Variants in PTK7 observed in about 807,000 individuals in gnomAD.
PTK7 encodes the protein protein tyrosine kinase 7 (inactive).
In PTK7, 39 loss-of-function variants were observed where a neutral mutation model predicts 116.6. The observed-to-expected ratio is 0.33, with a 90% CI of 0.26 to 0.44. The LOEUF (loss-of-function observed/expected upper bound fraction) is 0.44. PTK7 is among the 20% of genes least tolerant of loss of function. PTK7 has a pLI of 1.00. For missense variants in PTK7, 1,169 were observed against 1,425.6 expected, an observed-to-expected ratio of 0.82 and a Z score of 2.90; for synonymous variants, 546 against 563.6, an observed-to-expected ratio of 0.97 and a Z score of 0.44.
intron 1 of PTK7, among the ~76,000 whole-genome samples, chr6:43,118,620 C>CCTCTCTCTCTCT (rs1170818291): frequency 7.9e-5 from 5 of 63,362 alleles, no homozygotes; most frequent in African/African-American, 1.1e-4. Context: ...AATATTTTAA[C>CCTCTCTCTCTCT]CTCTCTCTCT....
At position 43,101,563 on chromosome 6, in the gene PTK7, T is replaced by G. The variant is rs538604580; in HGVS notation, c.79+24996T>G. The stretch of plus-strand genomic sequence containing the variant: ...CAAGACTCCGTCTCAAAAAAAAAAA[T>G]AAAAAAAAAAAGAAAGATAGTTGTA... On this transcript the variant is annotated intron_variant, in intron 1 of 19. Coordinates refer to ENST00000230419, the MANE Select transcript of PTK7 (RefSeq NM_002821.5). 3.3e-3 allele frequency among the ~76,000 whole-genome samples: 440 copies of G among 133,640 alleles called. 2 individuals are homozygous for G. Among genetic ancestry groups the G allele is most frequent in the Non-Finnish European group, 3.4e-3 (207 of 61,160 alleles). The allele number at this position is 133,640 out of a possible 152,430, so 87.7% of individuals were successfully genotyped here. A position where few individuals can be genotyped will look rare whatever the true frequency, so the allele number is the denominator to read the frequency against.
intron 1 of PTK7, among the ~76,000 whole-genome samples, chr6:43,109,805 TCTC>T (rs1400038561): frequency 6.6e-6 from 1 of 151,094 alleles, no homozygotes; most frequent in African/African-American, 2.4e-5. Context: ...TTCACACCAT[TCTC>T]CTGGCTTAGC....
intron 1 of PTK7, among the ~76,000 whole-genome samples, chr6:43,100,597 T>C (rs1033694685): frequency 6.6e-6 from 1 of 152,182 alleles, no homozygotes; most frequent in African/African-American, 2.4e-5. Context: ...AGTTCCCAAA[T>C]ACTTTATAGG....
intron 1 of PTK7, among the ~76,000 whole-genome samples, chr6:43,106,957 CTG>C (rs1268026251): frequency 7.0e-6 from 1 of 141,964 alleles, no homozygotes; most frequent in Non-Finnish European, 1.5e-5. Flanking sequence ...GAGTCTTGCT[CTG>C]TCACCCAGGC....
chr6:43,144,915 A>G (rs971335731), intron 15 of PTK7: 1 of 418,388 alleles, frequency 2.4e-6, no homozygotes, highest in South Asian at 7.8e-5. Flanking sequence ...TGGGTTTGTC[A>G]TAGTTACGTT....
At chr6:43,130,156 C>T in intron 3 of PTK7, 74 bp from the exon 4 acceptor site, 1 of 1,423,652 alleles carries the variant, frequency 7.0e-7, no homozygotes, top group Non-Finnish European at 9.5e-7. Context: ...TAGCCCTGAC[C>T]CTCTGATACT....
rs1290518823 is a variant in PTK7, at chr6:43,157,348, ATATATATATATATATATTTTTTTTTTTCT to A, written c.2722-1467_2722-1439del. On this transcript the variant is annotated intron_variant, in intron 17 of 19. Coordinates refer to ENST00000230419, the MANE Select transcript of PTK7 (RefSeq NM_002821.5). ...ACGCTATATATATATATATATATAT[ATATATATATATATATATTTTTTTTTTTCT>A]TTTTTTTTTTTTTTTTTTAATAGAG... 1.9e-3 allele frequency among the ~76,000 whole-genome samples: 9 copies of A among 4,710 alleles called. 1 individual carries two copies. Among genetic ancestry groups the A allele is most frequent in the African/African-American group, 6.1e-3 (9 of 1,472 alleles). The allele number at this position is 4,710 out of a possible 152,430, so 3.1% of individuals were successfully genotyped here.
At chr6:43,098,394 C>T (rs572514784) in intron 1 of PTK7, among the ~76,000 whole-genome samples, 17 of 150,586 alleles carry the variant, frequency 1.1e-4, no homozygotes, top group African/African-American at 3.2e-4. Context: ...CTCGCTCTGT[C>T]GCCCAGGCTG....
At chr6:43,153,464 C>T (rs1251837070) in intron 17 of PTK7, among the ~76,000 whole-genome samples, 3 of 152,024 alleles carry the variant, frequency 2.0e-5, no homozygotes, top group African/African-American at 7.2e-5. Context: ...GGCTGGAATG[C>T]AGTGGTGCAA....
Position 43,161,007 on chromosome 6 carries a change from C to T in PTK7, c.*126C>T, listed in dbSNP as rs1488905991. On this transcript the variant is annotated 3_prime_UTR_variant, in exon 20 of 20. Transcript: ENST00000230419. ...CCCTGCCCTAGTGCAACAGGCATTGCTGAGGTCTGAGCAGGGCCTGGCCTT... is the reference window on the plus strand; with the variant it reads ...CCCTGCCCTAGTGCAACAGGCATTGTTGAGGTCTGAGCAGGGCCTGGCCTT... 1.6e-5 allele frequency: 21 copies of T among 1,311,068 alleles called. No individual in the cohort carries two copies. The highest frequency in any genetic ancestry group is 1.9e-5 in the Non-Finnish European group (19 of 976,140). 81.2% of individuals were successfully genotyped at this position (1,311,068 alleles called of 1,614,324 possible). A position where few individuals can be genotyped will look rare whatever the true frequency, so the allele number is the denominator to read the frequency against.
chr6:43,096,930 G>A (rs1315528835), intron 1 of PTK7, among the ~76,000 whole-genome samples: 3 of 64,522 alleles, frequency 4.6e-5, no homozygotes, highest in Non-Finnish European at 9.4e-5. Context: ...GGAGGCCGCT[G>A]CCTTAGAACC....
chr6:43,157,358 ATATATATTTTTTTTTTTCTT>A (rs1244687176), intron 17 of PTK7, among the ~76,000 whole-genome samples: 12 of 3,754 alleles, frequency 3.2e-3, no homozygotes, highest in African/African-American at 8.1e-3. Context: ...ATATATATAT[ATATATATTTTTTTTTTTCTT>A]TTTTTTTTTT....
At chr6:43,081,570 A>C (rs1766382218) in intron 1 of PTK7, among the ~76,000 whole-genome samples, 1 of 151,634 alleles carries the variant, frequency 6.6e-6, no homozygotes, top group Admixed American at 6.6e-5. Context: ...GCACCCAGCT[A>C]ATTTTTGTAT....
intron 1 of PTK7, among the ~76,000 whole-genome samples, chr6:43,104,103 A>C (rs1368176404): frequency 1.3e-5 from 2 of 152,212 alleles, no homozygotes; most frequent in Admixed American, 1.3e-4. Flanking sequence ...TTTAATGACT[A>C]TTCTGGAGGA....
intron 17 of PTK7, among the ~76,000 whole-genome samples, chr6:43,150,668 G>A (rs1363995805): frequency 6.6e-6 from 1 of 151,880 alleles, no homozygotes; most frequent in African/African-American, 2.4e-5. Flanking sequence ...TTTGAAGCCT[G>A]AAGTGGAGTT....
Position 43,159,012 on chromosome 6 carries a change from G to C in PTK7, c.2873+44G>C, listed in dbSNP as rs1001533201. ...GGTGGGGGCTCCCCATTTTTTCCCA[G>C]AGGGTGAGGGGCAGAGGACAGATAG... is the stretch of plus-strand genomic sequence containing the variant. On this transcript the variant is annotated intron_variant, in intron 18 of 19. Coordinates refer to ENST00000230419, the MANE Select transcript of PTK7 (RefSeq NM_002821.5). The C allele has an allele frequency of 6.2e-6, 10 of 1,607,758 alleles. No individual in the cohort carries two copies. In the African/African-American group the frequency reaches 6.7e-5, roughly 11 times the overall value.
At position 43,076,476 on chromosome 6, in the gene PTK7, T is replaced by C. The variant is rs755952591; in HGVS notation, c.-13T>C. On this transcript the variant is annotated 5_prime_UTR_variant, in exon 1 of 20. Transcript: ENST00000230419. This position sits in a 1 kb window ranked among gnomAD's most constrained non-coding sequence, Gnocchi z 5.7. Reference sequence around the variant, plus strand: ...GCCGTGCGCCCTCAGCTCCTTTTCCTGAGCCCGCCGCGATGGGAGCTGCGC... The same window carrying C: ...GCCGTGCGCCCTCAGCTCCTTTTCCCGAGCCCGCCGCGATGGGAGCTGCGC... The C allele has an allele frequency of 6.4e-7, 1 of 1,559,504 alleles. No individual in the cohort carries two copies. The highest frequency in any genetic ancestry group is 1.2e-5 in the South Asian group (1 of 85,780).
chr6:43,123,722 C>T (rs544240094), intron 1 of PTK7, among the ~76,000 whole-genome samples: 20 of 152,274 alleles, frequency 1.3e-4, no homozygotes, highest in African/African-American at 3.9e-4. Context: ...TTTGCAGCTC[C>T]GGCTTTGTTG....
intron 7 of PTK7, among the ~76,000 whole-genome samples, chr6:43,134,948 CA>C (rs1769938817): frequency 6.6e-6 from 1 of 151,382 alleles, no homozygotes; most frequent in Non-Finnish European, 1.5e-5. Flanking sequence ...ACCCTGTCTC[CA>C]AAAAAATGTC....
Sources: allele counts gnomAD v4.1 joint callset (sites outside exome capture counted in the v4.1 genomes callset), GRCh38; gene constraint gnomAD v4.1.1; non-coding constraint Gnocchi (gnomAD v3.1); transcripts MANE v1.5; gene names NCBI Gene and HGNC (gene_info 2026-07-23, HGNC 2026-07-21).